The following PCSK5 variants were observed in gnomAD, a reference collection of about 807,000 sequenced individuals.
The protein encoded by PCSK5 is proprotein convertase subtilisin/kexin type 5, also known as prohormone convertase 5.
PCSK5 carries 129 observed loss-of-function variants against 233.2 expected under a neutral mutation model. That is an observed-to-expected ratio of 0.55 (90% CI 0.48 to 0.64). PCSK5 has a LOEUF of 0.64. Among genes scored for constraint, PCSK5 ranks in the 30% least tolerant of loss-of-function variants. The probability of loss-of-function intolerance (pLI) is 0.00; values close to 1 mark genes in which losing one functional copy is unlikely to be tolerated. For synonymous variants in PCSK5, 825 were observed against 879.2 expected, an observed-to-expected ratio of 0.94 and a Z score of 1.09; for missense variants, 2,076 against 2,430.1, an observed-to-expected ratio of 0.85 and a Z score of 3.06.
rs1824352312 is a variant in PCSK5, at chr9:76,191,087, A to G, written c.2626+1341A>G. Among the ~76,000 whole-genome samples, 3 of 18,284 alleles carry G rather than the reference A, an allele frequency of 1.6e-4. No individual in the cohort carries two copies. In the East Asian group the frequency reaches 0.3, roughly 1,828 times the overall value. The allele number at this position is 18,284 out of a possible 152,430, so 12.0% of individuals were successfully genotyped here. Reference sequence around the variant, plus strand: ...TGACTCTTGAAATAACTTACGCTGAAGCGACCTAAAATTTACTCCTAAATT... The same window carrying G: ...TGACTCTTGAAATAACTTACGCTGAGGCGACCTAAAATTTACTCCTAAATT... On this transcript the variant is annotated intron_variant, in intron 20 of 37. Coordinates refer to ENST00000674117, the MANE Select transcript of PCSK5 (RefSeq NM_001372043.1).
rs1365386341 is a variant in PCSK5 at position 76,351,431 on chromosome 9, T to C, written c.5067+503T>C. ...GTTTCTACCAGAAACCGCCCCCCCC[T>C]GCAATGTGAAAGAAAGGAAAGAAAG... On this transcript the variant is annotated intron_variant, in intron 36 of 37. Coordinates refer to ENST00000674117, the MANE Select transcript of PCSK5 (RefSeq NM_001372043.1). Among the ~76,000 whole-genome samples, 12 of 66,428 alleles carry C rather than the reference T, an allele frequency of 1.8e-4. 1 individual carries two copies. Among genetic ancestry groups the C allele is most frequent in the South Asian group, 5.8e-4 (1 of 1,718 alleles). The allele number at this position is 66,428 out of a possible 152,430, so 43.6% of individuals were successfully genotyped here.
rs1212826771 is a variant in PCSK5 at position 75,928,066 on chromosome 9, A to G, written c.193-4313A>G. Among the ~76,000 whole-genome samples, 8 of 152,216 alleles carry G rather than the reference A, an allele frequency of 5.3e-5. 1 individual carries two copies. The South Asian group carries it at 1.2e-3, about 24-fold the overall frequency. The stretch of plus-strand genomic sequence containing the variant: ...GCACAAAAACTTGACAGAATTAGGA[A>G]CAAGAGATGACATTCATTGACTTAG... On this transcript the variant is annotated intron_variant, in intron 1 of 37. Coordinates refer to ENST00000674117, the MANE Select transcript of PCSK5 (RefSeq NM_001372043.1).
chr9:75,952,733 G>A (rs148937868), intron 2 of PCSK5, among the ~76,000 whole-genome samples: 6 of 152,250 alleles, frequency 3.9e-5, no homozygotes, highest in African/African-American at 1.4e-4. Flanking sequence ...AGTCTTTTGA[G>A]TCTGCATTTT....
At chr9:75,921,007 G>A (rs570655394) in intron 1 of PCSK5, among the ~76,000 whole-genome samples, 1 of 152,100 alleles carries the variant, frequency 6.6e-6, no homozygotes, top group East Asian at 1.9e-4. Context: ...AATGAAACAT[G>A]CCAGTTAACA....
chr9:75,994,433 T>TGAGATGGAG, intron 3 of PCSK5, among the ~76,000 whole-genome samples: 2 of 54,710 alleles, frequency 3.7e-5, no homozygotes, highest in Non-Finnish European at 7.4e-5. Context: ...TTTTTTTTTT[T>TGAGATGGAG]TTTTTTTTTG....
intron 31 of PCSK5, among the ~76,000 whole-genome samples, chr9:76,322,802 C>T (rs886255087): frequency 2.6e-5 from 4 of 152,236 alleles, no homozygotes; most frequent in Non-Finnish European, 4.4e-5. Context: ...TTTTGCACTG[C>T]ACCTCCAAAG....
At chr9:76,330,657 G>T (rs1447914387) in intron 33 of PCSK5, among the ~76,000 whole-genome samples, 1 of 152,084 alleles carries the variant, frequency 6.6e-6, no homozygotes, top group Non-Finnish European at 1.5e-5. Context: ...TTAAAGACAT[G>T]CATGGCAAGC....
rs755903180 is a variant in PCSK5, at chr9:76,332,490, G to A, written c.4628G>A (p.Arg1543Gln). 5 of 1,612,440 alleles carry A rather than the reference G, an allele frequency of 3.1e-6. No homozygotes were observed. Among genetic ancestry groups the A allele is most frequent in the African/African-American group, 1.3e-5 (1 of 75,048 alleles). ...EGYYADEDSNRCAHCHSSCRT... is the reference protein window; with the variant it reads ...EGYYADEDSNQCAHCHSSCRT... Reference sequence around the variant, plus strand: ...TATTATGCCGATGAGGACAGCAACCGGTGTGCCCACTGCCACAGCTCTTGC... The same window carrying A: ...TATTATGCCGATGAGGACAGCAACCAGTGTGCCCACTGCCACAGCTCTTGC... The change falls in exon 34 of 38, where the codon CGG becomes CAG. Residue 1543 changes from arginine to glutamine, a missense_variant. Transcript: ENST00000674117.
chr9:76,060,489 G>T (rs763695471), intron 5 of PCSK5, among the ~76,000 whole-genome samples: 8 of 152,130 alleles, frequency 5.3e-5, no homozygotes, highest in Non-Finnish European at 1.0e-4. Context: ...GGTTGGTCTT[G>T]CAGTCTCAGG....
intron 10 of PCSK5, 137 bp downstream of exon 10, chr9:76,134,349 T>A: frequency 1.8e-6 from 1 of 566,748 alleles, no homozygotes; most frequent in South Asian, 2.5e-5. Flanking sequence ...GATCTTTTAG[T>A]AAATAAAAGG....
intron 12 of PCSK5, among the ~76,000 whole-genome samples, chr9:76,167,808 T>C (rs955761556): frequency 1.3e-5 from 2 of 152,148 alleles, no homozygotes; most frequent in East Asian, 1.9e-4. Flanking sequence ...GAGAGTTGAT[T>C]TGTGTGTTCT....
At chr9:75,954,031 G>A (rs1216151296) in intron 2 of PCSK5, among the ~76,000 whole-genome samples, 1 of 152,154 alleles carries the variant, frequency 6.6e-6, no homozygotes, top group African/African-American at 2.4e-5. Context: ...AAGGTGTTAA[G>A]CTGATAAACT....
chr9:76,271,488 C>T (rs527828482), intron 24 of PCSK5, among the ~76,000 whole-genome samples: 2 of 152,184 alleles, frequency 1.3e-5, no homozygotes, highest in East Asian at 3.9e-4. Flanking sequence ...ACATGGTATC[C>T]CTAAATGTAA....
At chr9:76,335,744 A>C (rs1829660367) in intron 34 of PCSK5, among the ~76,000 whole-genome samples, 1 of 152,216 alleles carries the variant, frequency 6.6e-6, no homozygotes. Context: ...TCTTTATAAC[A>C]ATCTATAATA....
chr9:76,059,584 A>G (rs565847253), intron 5 of PCSK5, among the ~76,000 whole-genome samples: 2 of 152,300 alleles, frequency 1.3e-5, no homozygotes, highest in South Asian at 2.1e-4. Context: ...ATGGCTGGCC[A>G]GTTTTCCCAG....
intron 3 of PCSK5, among the ~76,000 whole-genome samples, chr9:76,017,987 A>G (rs75423088): frequency 0.02 from 2,733 of 134,624 alleles, 85 homozygotes; most frequent in African/African-American, 0.072. Context: ...TGAGAGGAAA[A>G]GGTTAAAGAA....
At chr9:76,227,130 A>T (rs1587780216) in intron 20 of PCSK5, among the ~76,000 whole-genome samples, 2 of 152,252 alleles carry the variant, frequency 1.3e-5, no homozygotes, top group South Asian at 2.1e-4. Context: ...CCAAGACTAT[A>T]CGGCCCTCTG....
At chr9:76,290,036 A>G (rs750007677) in intron 24 of PCSK5, among the ~76,000 whole-genome samples, 5 of 152,210 alleles carry the variant, frequency 3.3e-5, no homozygotes, top group Non-Finnish European at 7.3e-5. Flanking sequence ...CCAGAACATT[A>G]AAGAACAGGA....
chr9:76,073,063 G>A (rs1428368193), intron 7 of PCSK5, among the ~76,000 whole-genome samples: 1 of 152,180 alleles, frequency 6.6e-6, no homozygotes, highest in Non-Finnish European at 1.5e-5. Context: ...ACAGTGCATT[G>A]CATTCTAGTG....
Sources: gnomAD v4.1 joint callset for allele counts (sites outside exome capture counted in the v4.1 genomes callset) on GRCh38, gnomAD v4.1.1 for gene constraint, MANE v1.5 for transcripts, NCBI Gene and HGNC (gene_info 2026-07-23, HGNC 2026-07-21) for gene names.